XIRP2: variants seen among roughly 807,000 people sequenced by gnomAD.
XIRP2 encodes xin actin-binding repeat-containing protein 2.
XIRP2 carries 236 observed loss-of-function variants against 277.0 expected under a neutral mutation model. The observed-to-expected ratio is 0.85, with a 90% CI of 0.77 to 0.95. The LOEUF (loss-of-function observed/expected upper bound fraction) is 0.95, where lower values mean the gene tolerates loss of function less well. XIRP2 is among the 40% of genes least tolerant of loss of function. XIRP2 has a pLI of 0.00. For synonymous variants in XIRP2, 1,490 were observed against 1,416.5 expected (o/e 1.05, Z -1.17); for missense variants, 4,640 against 4,157.5 (o/e 1.12, Z -3.19).
Position 167,246,115 on chromosome 2 carries a change from G to A in XIRP2, c.4723G>A (p.Asp1575Asn), listed in dbSNP as rs374546171. ...IQAPGIIIEA[D>N]EIGDVRMAKY... ...GGCTCCTGGAATCATCATTGAAGCT[G>A]ATGAAATAGGGGATGTTCGAATGGC... The change falls in exon 9 of 11, where the codon GAT becomes AAT. Residue 1575 changes from aspartate (D) to asparagine (N), a missense_variant. Physicochemically the swap from Asp to Asn is conservative, Grantham distance 23. Coordinates refer to ENST00000409195, the MANE Select transcript of XIRP2 (RefSeq NM_152381.6). 1 of 1,613,560 alleles carries A rather than the reference G, an allele frequency of 6.2e-7. No homozygotes were observed. Among genetic ancestry groups the A allele is most frequent in the East Asian group, 2.2e-5 (1 of 44,832 alleles).
chr2:166,911,764 T>C (rs1182123357), intron 2 of XIRP2, among the ~76,000 whole-genome samples: 1 of 152,236 alleles, frequency 6.6e-6, no homozygotes, highest in Non-Finnish European at 1.5e-5. Context: ...TTCCTTTCCA[T>C]GTTTAGTGCT....
chr2:166,907,610 A>C (rs541322656), intron 2 of XIRP2, among the ~76,000 whole-genome samples: 10 of 150,374 alleles, frequency 6.7e-5, no homozygotes, highest in South Asian at 2.1e-4. Flanking sequence ...CAGGTCATAG[A>C]AGTTTTTTTT....
At chr2:166,998,144 T>C (rs958384298) in intron 2 of XIRP2, among the ~76,000 whole-genome samples, 2 of 152,178 alleles carry the variant, frequency 1.3e-5, no homozygotes, top group African/African-American at 4.8e-5. Flanking sequence ...TTGCATTGAT[T>C]CCATGTCTTT....
At chr2:167,036,925 T>C (rs7576456) in intron 2 of XIRP2, among the ~76,000 whole-genome samples, 56,388 of 152,000 alleles carry the variant, frequency 0.37, 13,493 homozygotes, top group African/African-American at 0.67. Context: ...TTGCTTCTTC[T>C]TCATTCTCTC....
chr2:166,900,005 A>G (rs1684341421), intron 1 of XIRP2, among the ~76,000 whole-genome samples: 1 of 151,780 alleles, frequency 6.6e-6, no homozygotes, highest in Non-Finnish European at 1.5e-5. Context: ...TTAGATTATG[A>G]TGTGTGTTGG....
At chr2:167,212,330 C>T (rs1171158866) in intron 4 of XIRP2, among the ~76,000 whole-genome samples, 1 of 152,106 alleles carries the variant, frequency 6.6e-6, no homozygotes. Context: ...TTGAAAATGC[C>T]TAAAGACTGG....
chr2:167,259,547 T>A lies in XIRP2; in HGVS notation c.*1730T>A, dbSNP rs1041656487. 6 of 551,958 alleles carry A rather than the reference T, an allele frequency of 1.1e-5. No homozygotes were observed. The highest frequency in any genetic ancestry group is 1.8e-5 in the Non-Finnish European group (6 of 325,924). 34.2% of individuals were successfully genotyped at this position (551,958 alleles called of 1,614,324 possible). On this transcript the variant is annotated 3_prime_UTR_variant, in exon 11 of 11. Transcript: ENST00000409195. ...CCTTGTCATTTTTTTCACAATTTAT[T>A]TACATCTACTTTTGTTTGAACTGGA...
chr2:166,988,531 T>C (rs1687077976), intron 2 of XIRP2, among the ~76,000 whole-genome samples: 1 of 147,118 alleles, frequency 6.8e-6, no homozygotes, highest in African/African-American at 2.6e-5. Flanking sequence ...GACAGGTGAT[T>C]TCTGCATTTC....
At chr2:167,156,723 A>C (rs1203853955) in intron 3 of XIRP2, among the ~76,000 whole-genome samples, 3 of 152,214 alleles carry the variant, frequency 2.0e-5, no homozygotes, top group Non-Finnish European at 2.9e-5. Flanking sequence ...TATCAAATAC[A>C]GTTTGCCATA....
chr2:167,120,667 A>C (rs1691031262), intron 2 of XIRP2, among the ~76,000 whole-genome samples: 1 of 152,166 alleles, frequency 6.6e-6, no homozygotes, highest in Non-Finnish European at 1.5e-5. Context: ...GCTCTGTCTT[A>C]TATAAAGCGT....
At chr2:167,155,921 A>G (rs1031432554) in intron 3 of XIRP2, among the ~76,000 whole-genome samples, 1 of 150,552 alleles carries the variant, frequency 6.6e-6, no homozygotes. Flanking sequence ...AAATCAATGT[A>G]AAAAAATCAC....
intron 2 of XIRP2, among the ~76,000 whole-genome samples, chr2:167,135,592 TG>T (rs1470537338): frequency 3.3e-5 from 5 of 152,284 alleles, no homozygotes; most frequent in African/African-American, 1.2e-4. Flanking sequence ...CCTAGAAAGT[TG>T]CATCCATTAA....
intron 4 of XIRP2, among the ~76,000 whole-genome samples, chr2:167,217,696 A>G (rs976222682): frequency 6.6e-6 from 1 of 152,172 alleles, no homozygotes; most frequent in South Asian, 2.1e-4. Context: ...TTCTGAGGCT[A>G]TTTTGTTCAT....
At chr2:167,199,868 G>T (rs1693630513) in intron 3 of XIRP2, among the ~76,000 whole-genome samples, 1 of 152,144 alleles carries the variant, frequency 6.6e-6, no homozygotes, top group South Asian at 2.1e-4. Context: ...TCACAAGGAA[G>T]TTTGGGAAAA....
At chr2:166,981,567 G>T (rs1372083899) in intron 2 of XIRP2, among the ~76,000 whole-genome samples, 6 of 151,868 alleles carry the variant, frequency 4.0e-5, no homozygotes, top group Non-Finnish European at 8.8e-5. Context: ...GACTACAGGT[G>T]CACACTGCCA....
chr2:167,016,874 T>A (rs765368102), intron 2 of XIRP2, among the ~76,000 whole-genome samples: 7 of 151,982 alleles, frequency 4.6e-5, no homozygotes, highest in Non-Finnish European at 1.0e-4. Flanking sequence ...GTTTAGTGAC[T>A]TAGGGAAGAA....
rs141104367 is a variant in XIRP2 at position 167,108,961 on chromosome 2, A to C, written c.409-26948A>C. Among the ~76,000 whole-genome samples the C allele has an allele frequency of 9.5e-4, 145 of 152,024 alleles. 1 individual carries two copies. The highest frequency in any genetic ancestry group is 1.0e-3 in the Non-Finnish European group (68 of 67,970). ...GGGGGTTTGGTGTACAGATAACTTT[A>C]TTACATGGGTAACAAACTTGGTACC... On this transcript the variant is annotated intron_variant, in intron 2 of 10. Coordinates refer to ENST00000409195, the MANE Select transcript of XIRP2 (RefSeq NM_152381.6).
intron 2 of XIRP2, among the ~76,000 whole-genome samples, chr2:166,909,648 A>G (rs1233017378): frequency 6.6e-6 from 1 of 152,194 alleles, no homozygotes; most frequent in Non-Finnish European, 1.5e-5. Context: ...AACTTCCAAC[A>G]CTATGTTGAA....
At chr2:167,160,904 G>A (rs779957676) in intron 3 of XIRP2, among the ~76,000 whole-genome samples, 10 of 152,282 alleles carry the variant, frequency 6.6e-5, no homozygotes, top group East Asian at 1.9e-4. Context: ...CTGTAAAATC[G>A]AAAGCAAGTT....
Sources: gnomAD v4.1 joint callset for allele counts (sites outside exome capture counted in the v4.1 genomes callset) on GRCh38, gnomAD v4.1.1 for gene constraint, MANE v1.5 for transcripts, NCBI Gene and HGNC (gene_info 2026-07-23, HGNC 2026-07-21) for gene names.